Variants in GRIN2B observed in about 807,000 individuals in gnomAD.
The protein encoded by GRIN2B is glutamate ionotropic receptor NMDA type subunit 2B.
GRIN2B carries 5 observed loss-of-function variants against 114.5 expected under a neutral mutation model. The observed-to-expected ratio is 0.04, with a 90% CI of 0.02 to 0.09. The LOEUF (loss-of-function observed/expected upper bound fraction) is 0.09, where lower values mean the gene tolerates loss of function less well. GRIN2B is among the 10% of genes least tolerant of loss of function. GRIN2B has a pLI of 1.00. For missense variants in GRIN2B, 1,108 were observed against 1,943.5 expected (o/e 0.57, Z 8.08); for synonymous variants, 787 against 745.1 (o/e 1.06, Z -0.92).
At chr12:13,959,501 C>T (rs1473446053) in intron 2 of GRIN2B, among the ~76,000 whole-genome samples, 6 of 152,012 alleles carry the variant, frequency 3.9e-5, no homozygotes, top group Non-Finnish European at 7.4e-5. Flanking sequence ...GGAGAGGAGG[C>T]GAGGTCCAGG....
intron 4 of GRIN2B, among the ~76,000 whole-genome samples, chr12:13,743,071 A>G (rs991776648): frequency 1.3e-5 from 2 of 152,132 alleles, no homozygotes; most frequent in Non-Finnish European, 2.9e-5. Context: ...CCACCTAACT[A>G]TGCTCACATA....
intron 5 of GRIN2B, among the ~76,000 whole-genome samples, chr12:13,628,133 T>C (rs1244794559): frequency 6.6e-6 from 1 of 152,192 alleles, no homozygotes; most frequent in Non-Finnish European, 1.5e-5. Flanking sequence ...CATAATAATG[T>C]CTAATAAATG....
In GRIN2B at chr12:13,558,965, G is replaced by A. The variant is rs1379200008; in HGVS notation, c.*3818C>T. ...AACCACTTCTGCAATGGAAGGGAAT[G>A]ATAGAGGGTACAAAGCGAGAAAGCA... On this transcript the variant is annotated 3_prime_UTR_variant, in exon 14 of 14. Coordinates refer to ENST00000609686, the MANE Select transcript of GRIN2B (RefSeq NM_000834.5). 2 of 152,254 alleles carry A rather than the reference G, an allele frequency of 1.3e-5. No homozygotes were observed. Among genetic ancestry groups the A allele is most frequent in the African/African-American group, 4.8e-5 (2 of 41,450 alleles). 9.4% of individuals were successfully genotyped at this position (152,254 alleles called of 1,614,324 possible).
chr12:13,971,740 G>A (rs1274548487), intron 2 of GRIN2B, among the ~76,000 whole-genome samples: 2 of 152,188 alleles, frequency 1.3e-5, no homozygotes, highest in East Asian at 3.8e-4. Context: ...GTGGAACAGA[G>A]GATGTTTGCA....
intron 5 of GRIN2B, among the ~76,000 whole-genome samples, chr12:13,659,675 T>C (rs928525300): frequency 6.6e-6 from 1 of 152,166 alleles, no homozygotes; most frequent in African/African-American, 2.4e-5. Flanking sequence ...GTACTTCACC[T>C]GTTACTCCCT....
In GRIN2B at chr12:13,940,588, G is replaced by A. The variant is rs551086449; in HGVS notation, c.-19+39340C>T. On this transcript the variant is annotated intron_variant, in intron 2 of 13. Transcript: ENST00000609686. ...ATGGGGTGAAATTGAGCAAAGGGAAGTGTAGGCTGAATATCAAGAAACATT... is the reference window on the plus strand; with the variant it reads ...ATGGGGTGAAATTGAGCAAAGGGAAATGTAGGCTGAATATCAAGAAACATT... Among the ~76,000 whole-genome samples, 58 of 152,262 alleles carry A rather than the reference G, an allele frequency of 3.8e-4. 1 individual carries two copies. The South Asian group carries it at 0.012, about 30-fold the overall frequency.
intron 2 of GRIN2B, among the ~76,000 whole-genome samples, chr12:13,972,747 A>G (rs1862951471): frequency 6.6e-6 from 1 of 152,238 alleles, no homozygotes. Flanking sequence ...GAGGACACGT[A>G]ACCTCCAAGG....
intron 10 of GRIN2B, among the ~76,000 whole-genome samples, chr12:13,576,534 ATTTTCTT>A (rs112844391): frequency 0.072 from 10,819 of 150,454 alleles, 458 homozygotes; most frequent in Middle Eastern, 0.12. Flanking sequence ...AGTACTCTTT[ATTTTCTT>A]TTTTCTTTTT....
intron 3 of GRIN2B, among the ~76,000 whole-genome samples, chr12:13,852,153 C>A (rs1234808208): frequency 1.3e-5 from 2 of 152,226 alleles, no homozygotes; most frequent in Non-Finnish European, 2.9e-5. Flanking sequence ...CAGTTCAAGA[C>A]AGGCTACCCT....
At position 13,664,352 on chromosome 12, in the gene GRIN2B, G is replaced by T. The variant is rs140351053; in HGVS notation, c.1125+11393C>A. Among the ~76,000 whole-genome samples, 218 of 152,188 alleles carry T rather than the reference G, an allele frequency of 1.4e-3. 3 individuals carry two copies. The highest frequency in any genetic ancestry group is 4.7e-3 in the African/African-American group (195 of 41,536). On this transcript the variant is annotated intron_variant, in intron 5 of 13. Transcript: ENST00000609686. The stretch of plus-strand genomic sequence containing the variant: ...GAAGAACACTTTGCCCTGTGGAAAT[G>T]TTTCCCAAATTTCATTCATTCAAGT...
intron 2 of GRIN2B, among the ~76,000 whole-genome samples, chr12:13,932,229 G>T (rs975688483): frequency 3.3e-5 from 5 of 152,092 alleles, no homozygotes; most frequent in African/African-American, 1.2e-4. Context: ...CCTGGTTGTT[G>T]GTTCTCTAGT....
At chr12:13,791,851 T>A (rs1167271258) in intron 3 of GRIN2B, among the ~76,000 whole-genome samples, 1 of 152,234 alleles carries the variant, frequency 6.6e-6, no homozygotes, top group African/African-American at 2.4e-5. Flanking sequence ...AATCTGCAAA[T>A]GGTTAGTGTT....
chr12:13,736,758 G>C (rs1487766607), intron 4 of GRIN2B, among the ~76,000 whole-genome samples: 1 of 152,148 alleles, frequency 6.6e-6, no homozygotes, highest in Non-Finnish European at 1.5e-5. Flanking sequence ...GGCCAATCAT[G>C]CCTGTAATCC....
chr12:13,814,859 A>G (rs1864788927), intron 3 of GRIN2B, among the ~76,000 whole-genome samples: 1 of 152,212 alleles, frequency 6.6e-6, no homozygotes, highest in African/African-American at 2.4e-5. Flanking sequence ...CACTACAGGA[A>G]CTTCAGAGCA....
chr12:13,615,659 T>G lies in GRIN2B; in HGVS notation c.1334A>C (p.Lys445Thr). 1 of 1,613,094 alleles carries G rather than the reference T, an allele frequency of 6.2e-7. No homozygotes were observed. Among genetic ancestry groups the G allele is most frequent in the Non-Finnish European group, 8.5e-7 (1 of 1,179,070 alleles). Residue 445 changes from lysine to threonine, a missense_variant, in exon 7 of 14, where the codon AAA becomes ACA. Coordinates refer to ENST00000609686, the MANE Select transcript of GRIN2B (RefSeq NM_000834.5). The surrounding 1 kb of genome is among the most constrained non-coding windows in gnomAD (Gnocchi z 5.8). ...GATGTAACCCGGCTCCTCGTCTGTTTTATTCCTAGCCAATTAAAGAAACAA... is the reference window on the plus strand; with the variant it reads ...GATGTAACCCGGCTCCTCGTCTGTTGTATTCCTAGCCAATTAAAGAAACAA... ...PCQKRIVTEN[K>T]TDEEPGYIKK...
chr12:13,574,763 G>C (rs1288818082), intron 10 of GRIN2B, among the ~76,000 whole-genome samples: 1 of 152,108 alleles, frequency 6.6e-6, no homozygotes, highest in Non-Finnish European at 1.5e-5. Flanking sequence ...AAATGATAAA[G>C]GGTCTAGAAT....
Position 13,786,958 on chromosome 12 carries a change from GA to G in GRIN2B, c.412-33044del, listed in dbSNP as rs199822848. Among the ~76,000 whole-genome samples the G allele has an allele frequency of 4.4e-3, 627 of 143,650 alleles. 21 individuals carry two copies. In the East Asian group the frequency reaches 0.074, roughly 17 times the overall value. The allele number at this position is 143,650 out of a possible 152,430, so 94.2% of individuals were successfully genotyped here. On this transcript the variant is annotated intron_variant, in intron 3 of 13. Coordinates refer to ENST00000609686, the MANE Select transcript of GRIN2B (RefSeq NM_000834.5). ...GACAATAAATACAGGCTTCAAAGGAGAAAAAAAAAAAGTATGTAGCACGATC... is the reference window on the plus strand; with the variant it reads ...GACAATAAATACAGGCTTCAAAGGAGAAAAAAAAAAGTATGTAGCACGATC...
chr12:13,940,031 T>C (rs1203676251), intron 2 of GRIN2B, among the ~76,000 whole-genome samples: 1 of 152,146 alleles, frequency 6.6e-6, no homozygotes, highest in East Asian at 1.9e-4. Context: ...CCAGTGGTAT[T>C]TGTATTGCAA....
rs1565454641 is a variant in GRIN2B at position 13,564,384 on chromosome 12, G to A, written c.2854C>T (p.Pro952Ser). The A allele has an allele frequency of 6.2e-7, 1 of 1,614,234 alleles. No individual in the cohort carries two copies. Reference protein sequence around the residue: ...THSDCKSYNNPPCEENLFSDY... With the variant: ...THSDCKSYNNSPCEENLFSDY... ...CTGAAGAGGTTCTCCTCACAGGGCGGGTTGTTGTAGGATTTGCAGTCAGAA... is the reference window on the plus strand; with the variant it reads ...CTGAAGAGGTTCTCCTCACAGGGCGAGTTGTTGTAGGATTTGCAGTCAGAA... Residue 952 changes from proline to serine, a missense_variant, in exon 14 of 14, where the codon CCG becomes TCG. Coordinates refer to ENST00000609686, the MANE Select transcript of GRIN2B (RefSeq NM_000834.5). This position sits in a 1 kb window ranked among gnomAD's most constrained non-coding sequence, Gnocchi z 4.8.
Sources: allele counts gnomAD v4.1 joint callset (sites outside exome capture counted in the v4.1 genomes callset), GRCh38; gene constraint gnomAD v4.1.1; non-coding constraint Gnocchi (gnomAD v3.1); transcripts MANE v1.5; gene names NCBI Gene and HGNC (gene_info 2026-07-23, HGNC 2026-07-21).